Variants in CACNA2D3 observed in about 807,000 individuals in gnomAD.
CACNA2D3 encodes voltage-dependent calcium channel subunit alpha-2/delta-3.
In CACNA2D3, 60 loss-of-function variants were observed where a neutral mutation model predicts 160.6. The ratio of observed to expected loss-of-function variants is 0.37; its 90% CI spans 0.30 to 0.46. The LOEUF (loss-of-function observed/expected upper bound fraction) is 0.46, where lower values mean the gene tolerates loss of function less well. Ranked by LOEUF, CACNA2D3 falls within the 20% of genes least tolerant of loss-of-function variation. CACNA2D3 has a pLI of 1.00. For synonymous variants in CACNA2D3, 558 were observed against 492.9 expected (o/e 1.13, Z -1.75); for missense variants, 1,205 against 1,365.0 (o/e 0.88, Z 1.85).
intron 27 of CACNA2D3, among the ~76,000 whole-genome samples, chr3:54,964,392 A>C (rs528657599): frequency 6.5e-5 from 9 of 138,740 alleles, no homozygotes; most frequent in Non-Finnish European, 1.1e-4. Context: ...AAAACATTAC[A>C]AACCCCAGGA....
Position 54,583,533 on chromosome 3 carries a change from GT to G in CACNA2D3, c.963+1658del, listed in dbSNP as rs1453022324. Among the ~76,000 whole-genome samples, 5 of 152,232 alleles carry G rather than the reference GT, an allele frequency of 3.3e-5. No homozygotes were observed. The South Asian group carries it at 8.3e-4, about 25-fold the overall frequency. ...GGTTGAGTATTCCTTATCTAAAATG[GT>G]TGGGACTAGAAGTGTTTCTGATTTT... is the stretch of plus-strand genomic sequence containing the variant. On this transcript the variant is annotated intron_variant, in intron 9 of 37. Coordinates refer to ENST00000474759, the MANE Select transcript of CACNA2D3 (RefSeq NM_018398.3).
intron 5 of CACNA2D3, among the ~76,000 whole-genome samples, chr3:54,514,588 C>T (rs902459760): frequency 3.9e-5 from 6 of 152,156 alleles, no homozygotes; most frequent in African/African-American, 1.4e-4. Context: ...GAAGTCAGCA[C>T]ACAGCTGGGC....
intron 27 of CACNA2D3, among the ~76,000 whole-genome samples, chr3:54,951,795 A>G (rs923159158): frequency 6.6e-6 from 1 of 152,218 alleles, no homozygotes; most frequent in South Asian, 2.1e-4. Context: ...TTCCTGGCCC[A>G]GAGTGGGCCC....
At chr3:54,984,504 A>G (rs1477421924) in intron 29 of CACNA2D3, 104 bp from the exon 30 acceptor site, 9 of 715,136 alleles carry the variant, frequency 1.3e-5, no homozygotes, top group Admixed American at 2.9e-5. Flanking sequence ...TTCCAAAAAA[A>G]TAAGTTTGTC....
chr3:54,740,958 G>A (rs1701636589), intron 11 of CACNA2D3, among the ~76,000 whole-genome samples: 1 of 152,168 alleles, frequency 6.6e-6, no homozygotes. Context: ...TACGAGAGGG[G>A]ACACTGTCCA....
intron 2 of CACNA2D3, among the ~76,000 whole-genome samples, chr3:54,282,781 A>C (rs1211728064): frequency 6.6e-6 from 1 of 152,214 alleles, no homozygotes; most frequent in African/African-American, 2.4e-5. Context: ...TCAATGTGAG[A>C]GAATAAAAGA....
chr3:54,215,908 A>G (rs1262036983), intron 2 of CACNA2D3, among the ~76,000 whole-genome samples: 1 of 151,832 alleles, frequency 6.6e-6, no homozygotes, highest in Non-Finnish European at 1.5e-5. Flanking sequence ...GTGACTTCAA[A>G]TATCCTTTCT....
Position 54,386,274 on chromosome 3 carries a change from G to A in CACNA2D3, c.322-441G>A, listed in dbSNP as rs187205138. ...AAAGAATTGACCTTGAATGATTGAG[G>A]GAATTAAAATAAGTACTCTTTTCCA... On this transcript the variant is annotated intron_variant, in intron 3 of 37. Coordinates refer to ENST00000474759, the MANE Select transcript of CACNA2D3 (RefSeq NM_018398.3). Among the ~76,000 whole-genome samples, 393 of 152,226 alleles carry A rather than the reference G, an allele frequency of 2.6e-3. 5 individuals are homozygous for A. Among genetic ancestry groups the A allele is most frequent in the African/African-American group, 8.7e-3 (360 of 41,528 alleles).
chr3:54,488,283 A>T (rs1701049213), intron 4 of CACNA2D3, among the ~76,000 whole-genome samples: 1 of 152,172 alleles, frequency 6.6e-6, no homozygotes, highest in South Asian at 2.1e-4. Flanking sequence ...GGCAGAGGGA[A>T]GCAAGGGTAG....
intron 4 of CACNA2D3, among the ~76,000 whole-genome samples, chr3:54,483,688 C>A (rs556678946): frequency 1.1e-4 from 16 of 152,306 alleles, no homozygotes; most frequent in African/African-American, 3.4e-4. Flanking sequence ...CACAGTCTCA[C>A]CATCTTTCAC....
In CACNA2D3 at chr3:54,390,094, G is replaced by C. The variant is rs75794209; in HGVS notation, c.381+3320G>C. Among the ~76,000 whole-genome samples the C allele has an allele frequency of 6.9e-3, 1,054 of 152,302 alleles. 12 individuals are homozygous for C. Among genetic ancestry groups the C allele is most frequent in the African/African-American group, 0.024 (1,003 of 41,556 alleles). Reference sequence around the variant, plus strand: ...CTGTTATTTATGGCTCATGTGGTCAGTTTTACTGAGAGACAAGGGTTGGTG... The same window carrying C: ...CTGTTATTTATGGCTCATGTGGTCACTTTTACTGAGAGACAAGGGTTGGTG... On this transcript the variant is annotated intron_variant, in intron 4 of 37. Coordinates refer to ENST00000474759, the MANE Select transcript of CACNA2D3 (RefSeq NM_018398.3).
At chr3:55,052,077 T>G (rs571849432) in intron 35 of CACNA2D3, among the ~76,000 whole-genome samples, 2 of 152,140 alleles carry the variant, frequency 1.3e-5, no homozygotes, top group South Asian at 2.1e-4. Flanking sequence ...CGTTGCTCAC[T>G]CTGGGAGCTG....
At chr3:54,872,622 T>A (rs1044153608) in intron 18 of CACNA2D3, among the ~76,000 whole-genome samples, 3 of 152,188 alleles carry the variant, frequency 2.0e-5, no homozygotes, top group Non-Finnish European at 4.4e-5. Flanking sequence ...TTTCCTTCTT[T>A]CCACACGCTC....
chr3:54,730,796 C>T (rs1701369971), intron 11 of CACNA2D3, among the ~76,000 whole-genome samples: 1 of 152,168 alleles, frequency 6.6e-6, no homozygotes, highest in Non-Finnish European at 1.5e-5. Context: ...AGCCACTGTG[C>T]CCGCCCGAAA....
At chr3:54,630,581 T>C (rs936725736) in intron 10 of CACNA2D3, among the ~76,000 whole-genome samples, 1 of 152,214 alleles carries the variant, frequency 6.6e-6, no homozygotes. Flanking sequence ...TTAACCACAC[T>C]TACTAACCCA....
At chr3:54,348,846 G>C (rs1698502068) in intron 3 of CACNA2D3, among the ~76,000 whole-genome samples, 1 of 152,134 alleles carries the variant, frequency 6.6e-6, no homozygotes, top group South Asian at 2.1e-4. Flanking sequence ...TTCTGCCTCT[G>C]TCTCCCCAGT....
chr3:54,610,510 G>C (rs1034763933), intron 9 of CACNA2D3, among the ~76,000 whole-genome samples: 1 of 152,038 alleles, frequency 6.6e-6, no homozygotes, highest in Middle Eastern at 3.4e-3. Context: ...TGGGTGATGG[G>C]TGTTAATGCA....
chr3:54,698,542 T>C (rs1277596226), intron 11 of CACNA2D3, among the ~76,000 whole-genome samples: 1 of 152,186 alleles, frequency 6.6e-6, no homozygotes, highest in Non-Finnish European at 1.5e-5. Context: ...TTGGTCCCCA[T>C]TGATTTTGAA....
At chr3:54,677,215 T>G (rs1394910229) in intron 11 of CACNA2D3, among the ~76,000 whole-genome samples, 1 of 152,244 alleles carries the variant, frequency 6.6e-6, no homozygotes, top group African/African-American at 2.4e-5. Context: ...ATGAGTCTTA[T>G]ACCCATTTAC....
Sources: allele counts gnomAD v4.1 joint callset (sites outside exome capture counted in the v4.1 genomes callset), GRCh38; gene constraint gnomAD v4.1.1; transcripts MANE v1.5; gene names NCBI Gene and HGNC (gene_info 2026-07-23, HGNC 2026-07-21).